Variants in PPP1R3B observed in about 807,000 individuals in gnomAD.
PPP1R3B encodes the protein protein phosphatase 1 regulatory subunit 3B, also known as PP1 subunit R4.
PPP1R3B carries 8 observed loss-of-function variants against 14.6 expected under a neutral mutation model. That is an observed-to-expected ratio of 0.55 (90% CI 0.32 to 0.99). The LOEUF is 0.99. Among genes scored for constraint, PPP1R3B ranks in the 50% least tolerant of loss-of-function variants. The pLI is 0.04. For missense variants in PPP1R3B, 452 were observed against 360.1 expected, an observed-to-expected ratio of 1.26 and a Z score of -2.07; for synonymous variants, 169 against 142.0, an observed-to-expected ratio of 1.19 and a Z score of -1.35.
chr8:9,149,370 G>A (rs1334114586), intron 1 of PPP1R3B, among the ~76,000 whole-genome samples: 8 of 151,336 alleles, frequency 5.3e-5, no homozygotes, highest in South Asian at 2.1e-4. Context: ...GGGCGTGGTG[G>A]CGGGCGCCTG....
chr8:9,149,886 G>A (rs2128974464), intron 1 of PPP1R3B, among the ~76,000 whole-genome samples: 1 of 152,300 alleles, frequency 6.6e-6, no homozygotes, highest in Non-Finnish European at 1.5e-5. Context: ...GTCTAAAAAC[G>A]TACGAGGGAA....
In PPP1R3B at chr8:9,138,122, G is replaced by A. The variant is rs1206401329; in HGVS notation, c.*2672C>T. On this transcript the variant is annotated 3_prime_UTR_variant, in exon 2 of 2. Transcript: ENST00000310455. ...TGTGCCTCTCCTGCATTGTGGGGAGGGCACTTCTTAAGGCAAAGTAAAATT... is the reference window on the plus strand; with the variant it reads ...TGTGCCTCTCCTGCATTGTGGGGAGAGCACTTCTTAAGGCAAAGTAAAATT... 2 of 151,788 alleles carry A rather than the reference G, an allele frequency of 1.3e-5. No homozygotes were observed. Among genetic ancestry groups the A allele is most frequent in the African/African-American group, 4.9e-5 (2 of 41,134 alleles). 9.4% of individuals were successfully genotyped at this position (151,788 alleles called of 1,614,324 possible).
Position 9,140,741 on chromosome 8 carries a change from G to A in PPP1R3B, c.*53C>T, listed in dbSNP as rs1329097734. 6.3e-7 allele frequency: 1 copy of A among 1,585,250 alleles called. No individual in the cohort carries two copies. The highest frequency in any genetic ancestry group is 8.6e-7 in the Non-Finnish European group (1 of 1,162,974). On this transcript the variant is annotated 3_prime_UTR_variant, in exon 2 of 2. Transcript: ENST00000310455. ...GCCTTCCATCTCCACTGCACAGTGA[G>A]CAGAGCTAGGCTTGTCTGTGGCAGC...
chr8:9,141,848 A>T, intron 1 of PPP1R3B, 180 bp from the exon 2 acceptor site: 1 of 171,728 alleles, frequency 5.8e-6, no homozygotes, highest in Non-Finnish European at 1.1e-5. Flanking sequence ...TTGAGAGAAG[A>T]TTATGTTGTG....
Position 9,141,274 on chromosome 8 carries a change from A to C in PPP1R3B, c.378T>G (p.Asn126Lys), listed in dbSNP as rs749266981. ...QPSADYLDFR[N>K]RLQADHVCLE... ...GGCAGACGTGGTCGGCCTGAAGTCG[A>C]TTTCTAAAGTCTAAGTAATCTGCAG... Residue 126 changes from asparagine to lysine, a missense_variant, in exon 2 of 2, where the codon AAT becomes AAG. Asn to Lys is a moderately conservative substitution (Grantham distance 94, BLOSUM62 0). Coordinates refer to ENST00000310455, the MANE Select transcript of PPP1R3B (RefSeq NM_024607.4). The C allele has an allele frequency of 6.2e-7, 1 of 1,614,114 alleles. No homozygotes were observed. Among genetic ancestry groups the C allele is most frequent in the Admixed American group, 1.7e-5 (1 of 60,008 alleles).
In PPP1R3B at chr8:9,141,655, GC is replaced by G. The variant is rs1319507898; in HGVS notation, c.-5del. On this transcript the variant is annotated 5_prime_UTR_variant, in exon 2 of 2. Transcript: ENST00000310455. ...ACTCGATGTCCACAGCCATCATGGG[GC>G]TAGATGAACAGGCTAGAACCGTGGA... 6.2e-7 allele frequency: 1 copy of G among 1,612,742 alleles called. No homozygotes were observed. Among genetic ancestry groups the G allele is most frequent in the Admixed American group, 1.7e-5 (1 of 59,972 alleles).
In PPP1R3B at chr8:9,138,644, C is replaced by T. The variant is rs749832378; in HGVS notation, c.*2150G>A. 1.3e-5 allele frequency: 2 copies of T among 152,224 alleles called. No individual in the cohort carries two copies. The highest frequency in any genetic ancestry group is 2.4e-5 in the African/African-American group (1 of 41,448). 9.4% of individuals were successfully genotyped at this position (152,224 alleles called of 1,614,324 possible). ...GAAAATCCAAGCACAAGACTCTTAG[C>T]TTGAAAAGCCTGACAACTCTGCCTC... On this transcript the variant is annotated 3_prime_UTR_variant, in exon 2 of 2. Coordinates refer to ENST00000310455, the MANE Select transcript of PPP1R3B (RefSeq NM_024607.4).
At position 9,138,351 on chromosome 8, in the gene PPP1R3B, G is replaced by T. The variant is rs1800961216; in HGVS notation, c.*2443C>A. 1 of 152,174 alleles carries T rather than the reference G, an allele frequency of 6.6e-6. No individual in the cohort carries two copies. The highest frequency in any genetic ancestry group is 1.5e-5 in the Non-Finnish European group (1 of 68,040). 9.4% of individuals were successfully genotyped at this position (152,174 alleles called of 1,614,324 possible). A position where few individuals can be genotyped will look rare whatever the true frequency, so the allele number is the denominator to read the frequency against. On this transcript the variant is annotated 3_prime_UTR_variant, in exon 2 of 2. Coordinates refer to ENST00000310455, the MANE Select transcript of PPP1R3B (RefSeq NM_024607.4). ...TTATAACATCATGTCATCCTAGAGT[G>T]TTACCCACCTGGGAGAGGTACAAAA...
chr8:9,141,737 G>A (rs1801098837), intron 1 of PPP1R3B, 69 bp from the exon 2 acceptor site: 6 of 1,443,810 alleles, frequency 4.2e-6, no homozygotes, highest in Middle Eastern at 1.9e-4. Context: ...ATGTGTAAAG[G>A]CATCATTCCA....
chr8:9,147,233 C>T (rs1222901218), intron 1 of PPP1R3B, among the ~76,000 whole-genome samples: 2 of 152,138 alleles, frequency 1.3e-5, no homozygotes, highest in Admixed American at 6.5e-5. Context: ...GAACTCCTGA[C>T]CTCATGATCT....
At chr8:9,147,373 C>G (rs1201417461) in intron 1 of PPP1R3B, among the ~76,000 whole-genome samples, 2 of 152,138 alleles carry the variant, frequency 1.3e-5, no homozygotes, top group Non-Finnish European at 2.9e-5. Context: ...CTCTACCCAT[C>G]CTGAAAAATC....
rs1485876258 is a variant in PPP1R3B, at chr8:9,138,698, T to C, written c.*2096A>G. ...ATCCAGGCAACTGTGCTTCCACTCCTCTTCTTGCTTGCCTTAGGAAAACTT... is the reference window on the plus strand; with the variant it reads ...ATCCAGGCAACTGTGCTTCCACTCCCCTTCTTGCTTGCCTTAGGAAAACTT... On this transcript the variant is annotated 3_prime_UTR_variant, in exon 2 of 2. Transcript: ENST00000310455. 3 of 152,332 alleles carry C rather than the reference T, an allele frequency of 2.0e-5. No homozygotes were observed. The East Asian group carries it at 5.8e-4, about 29-fold the overall frequency. The allele number at this position is 152,332 out of a possible 1,614,324, so 9.4% of individuals were successfully genotyped here. A position where few individuals can be genotyped will look rare whatever the true frequency, so the allele number is the denominator to read the frequency against.
At chr8:9,146,458 C>T (rs1585343645) in intron 1 of PPP1R3B, among the ~76,000 whole-genome samples, 1 of 152,088 alleles carries the variant, frequency 6.6e-6, no homozygotes, top group Non-Finnish European at 1.5e-5. Flanking sequence ...TATAAATAAC[C>T]TCTCATTTTC....
At position 9,136,642 on chromosome 8, in the gene PPP1R3B, T is replaced by A. The variant is rs887681687; in HGVS notation, c.*4152A>T. ...CGTAACAACAGCTGTCCTTCCCAGT[T>A]CCACATGTGTTGTCTCACTGCAGGA... On this transcript the variant is annotated 3_prime_UTR_variant, in exon 2 of 2. Coordinates refer to ENST00000310455, the MANE Select transcript of PPP1R3B (RefSeq NM_024607.4). 1 of 152,204 alleles carries A rather than the reference T, an allele frequency of 6.6e-6. No individual in the cohort carries two copies. Among genetic ancestry groups the A allele is most frequent in the Non-Finnish European group, 1.5e-5 (1 of 68,034 alleles). The allele number at this position is 152,204 out of a possible 1,614,324, so 9.4% of individuals were successfully genotyped here. A position where few individuals can be genotyped will look rare whatever the true frequency, so the allele number is the denominator to read the frequency against.
intron 1 of PPP1R3B, among the ~76,000 whole-genome samples, chr8:9,148,365 G>A (rs576990306): frequency 3.2e-4 from 48 of 152,196 alleles, no homozygotes; most frequent in African/African-American, 1.2e-3. Flanking sequence ...CAGGGAATAT[G>A]AGTCACCAAA....
chr8:9,146,944 C>G (rs1801258633), intron 1 of PPP1R3B, among the ~76,000 whole-genome samples: 1 of 151,972 alleles, frequency 6.6e-6, no homozygotes, highest in African/African-American at 2.4e-5. Flanking sequence ...ACCCTCAGCT[C>G]TAACTGTAAC....
At chr8:9,149,596 C>T (rs1031397185) in intron 1 of PPP1R3B, among the ~76,000 whole-genome samples, 3 of 152,360 alleles carry the variant, frequency 2.0e-5, no homozygotes, top group Non-Finnish European at 2.9e-5. Flanking sequence ...ATTCAGTAAA[C>T]ATTCACAACC....
chr8:9,146,415 T>G (rs1801242543), intron 1 of PPP1R3B, among the ~76,000 whole-genome samples: 1 of 152,158 alleles, frequency 6.6e-6, no homozygotes, highest in East Asian at 1.9e-4. Flanking sequence ...GCCAAGTGTC[T>G]TCTGTAAAGA....
In PPP1R3B at chr8:9,141,406, G is replaced by A. The variant is rs1563125455; in HGVS notation, c.246C>T (p.Phe82=). 1.2e-6 allele frequency: 2 copies of A among 1,614,136 alleles called. No individual in the cohort carries two copies. Among genetic ancestry groups the A allele is most frequent in the Non-Finnish European group, 8.5e-7 (1 of 1,180,036 alleles). ...TGAATGGCATATCTAGCGGGTCATC[G>A]AATTCCGAGAACACTTTGACCATTG... The part of the protein sequence containing the change: ...ALTMVKVFSE[F]DDPLDMPFNI... Residue 82 remains phenylalanine (F), a synonymous_variant, in exon 2 of 2, where the codon TTC becomes TTT. Coordinates refer to ENST00000310455, the MANE Select transcript of PPP1R3B (RefSeq NM_024607.4).
Sources: allele counts gnomAD v4.1 joint callset (sites outside exome capture counted in the v4.1 genomes callset), GRCh38; gene constraint gnomAD v4.1.1; transcripts MANE v1.5; gene names NCBI Gene and HGNC (gene_info 2026-07-23, HGNC 2026-07-21).